The following CORIN variants were observed in gnomAD, a reference collection of about 807,000 sequenced individuals.
CORIN encodes the protein atrial natriuretic peptide-converting enzyme.
A neutral mutation model predicts 125.3 loss-of-function variants in CORIN; 117 were observed. That is an observed-to-expected ratio of 0.93 (90% confidence interval 0.80 to 1.09). CORIN has a LOEUF of 1.09. CORIN is among the 50% of genes least tolerant of loss of function. The pLI is 0.00. For missense variants in CORIN, 1,253 were observed against 1,306.7 expected (o/e 0.96, Z 0.63); for synonymous variants, 450 against 466.4 (o/e 0.96, Z 0.45).
At position 47,666,597 on chromosome 4, in the gene CORIN, G is replaced by A. The variant is rs564132985; in HGVS notation, c.1358-1334C>T. The stretch of plus-strand genomic sequence containing the variant: ...CTGCAATGTGATAGTATTTGGAGGT[G>A]GGGCCTTTGGGAGGTGATGAGGTTT... On this transcript the variant is annotated intron_variant, in intron 10 of 21. Transcript: ENST00000273857. 4.6e-5 allele frequency among the ~76,000 whole-genome samples: 7 copies of A among 152,272 alleles called. No homozygotes were observed. The South Asian group carries it at 1.5e-3, about 32-fold the overall frequency.
At chr4:47,711,248 A>C (rs891060580) in intron 5 of CORIN, among the ~76,000 whole-genome samples, 1 of 152,188 alleles carries the variant, frequency 6.6e-6, no homozygotes, top group African/African-American at 2.4e-5. Context: ...CCATGACTAT[A>C]ATGTGGCAGG....
chr4:47,654,692 A>C (rs1723884464), intron 12 of CORIN, among the ~76,000 whole-genome samples: 3 of 152,206 alleles, frequency 2.0e-5, no homozygotes. Context: ...CCTTACCACC[A>C]CAGGCTAAAG....
At chr4:47,731,302 C>T (rs1727861689) in intron 5 of CORIN, among the ~76,000 whole-genome samples, 2 of 152,104 alleles carry the variant, frequency 1.3e-5, no homozygotes, top group African/African-American at 4.8e-5. Flanking sequence ...TGTCTGCATG[C>T]TGCAAGCATA....
At chr4:47,623,117 T>TATATATATATATATATATACACAC (rs141525347) in intron 19 of CORIN, among the ~76,000 whole-genome samples, 72 of 134,454 alleles carry the variant, frequency 5.4e-4, no homozygotes, top group African/African-American at 1.4e-3. Flanking sequence ...TATATATATA[T>TATATATATATATATATATACACAC]ACACACACAC....
intron 9 of CORIN, among the ~76,000 whole-genome samples, chr4:47,675,646 G>A (rs1310861984): frequency 1.3e-5 from 2 of 152,192 alleles, no homozygotes; most frequent in African/African-American, 4.8e-5. Flanking sequence ...TACCCCCTGG[G>A]AAGTGGCTTG....
chr4:47,789,253 G>A (rs1188820854), intron 2 of CORIN, among the ~76,000 whole-genome samples: 3 of 152,104 alleles, frequency 2.0e-5, no homozygotes, highest in Non-Finnish European at 4.4e-5. Flanking sequence ...GCAGTGAGCC[G>A]AGTTTGCACC....
chr4:47,638,205 A>G (rs1723104104), intron 16 of CORIN, among the ~76,000 whole-genome samples: 1 of 152,178 alleles, frequency 6.6e-6, no homozygotes. Flanking sequence ...CATTGTATCT[A>G]GGAAACTAAT....
At chr4:47,677,900 C>T in intron 9 of CORIN, 38 bp downstream of exon 9, 1 of 1,380,874 alleles carries the variant, frequency 7.2e-7, no homozygotes, top group African/African-American at 1.4e-5. Flanking sequence ...AGAGGACCAC[C>T]AGTAAAGGAA....
In CORIN at chr4:47,811,829, T is replaced by C. The variant is rs2109960276; in HGVS notation, c.64-4782A>G. ...CAGCCATGTTCATTTGTTTATATTC[T>C]GTCTATACTGCTCTGCTGCTACTAC... On this transcript the variant is annotated intron_variant, in intron 1 of 21. Coordinates refer to ENST00000273857, the MANE Select transcript of CORIN (RefSeq NM_006587.4). Among the ~76,000 whole-genome samples, 2 of 152,348 alleles carry C rather than the reference T, an allele frequency of 1.3e-5. 1 individual carries two copies. Among genetic ancestry groups the C allele is most frequent in the Middle Eastern group, 6.8e-3 (2 of 294 alleles).
chr4:47,772,862 A>G (rs1440910647), intron 3 of CORIN, among the ~76,000 whole-genome samples: 3 of 152,180 alleles, frequency 2.0e-5, no homozygotes, highest in Non-Finnish European at 4.4e-5. Context: ...TAGGTAAGAA[A>G]ATTGAGGCAG....
chr4:47,638,841 G>C (rs1272135289), intron 16 of CORIN, among the ~76,000 whole-genome samples: 2 of 152,194 alleles, frequency 1.3e-5, no homozygotes, highest in Non-Finnish European at 1.5e-5. Context: ...CTGAACTCTT[G>C]AGATAGCAAC....
At chr4:47,789,708 T>C (rs918313251) in intron 2 of CORIN, among the ~76,000 whole-genome samples, 1 of 152,052 alleles carries the variant, frequency 6.6e-6, no homozygotes, top group Admixed American at 6.6e-5. Flanking sequence ...GCTTTCAACC[T>C]GTATCATGAT....
chr4:47,675,717 T>C (rs1222855634), intron 9 of CORIN, among the ~76,000 whole-genome samples: 3 of 152,168 alleles, frequency 2.0e-5, no homozygotes, highest in Admixed American at 6.5e-5. Context: ...CACTGCTTTA[T>C]GGAAGACATA....
chr4:47,799,861 A>C (rs1006333023), intron 2 of CORIN, among the ~76,000 whole-genome samples: 5 of 152,250 alleles, frequency 3.3e-5, no homozygotes, highest in African/African-American at 1.2e-4. Context: ...AATGTCTATC[A>C]ATTGACAAAT....
chr4:47,669,716 C>T (rs537460372), intron 10 of CORIN, among the ~76,000 whole-genome samples: 1 of 151,930 alleles, frequency 6.6e-6, no homozygotes. Flanking sequence ...CTACAGGTGC[C>T]CACCACCACG....
At position 47,595,344 on chromosome 4, in the gene CORIN, G is replaced by A. The variant is rs1026653322; in HGVS notation, c.*377C>T. ...AAAAACTGGTAGAGATAATTAATCA[G>A]CCTAAATATCTATGTCTTTTTTTGT... On this transcript the variant is annotated 3_prime_UTR_variant, in exon 22 of 22. Coordinates refer to ENST00000273857, the MANE Select transcript of CORIN (RefSeq NM_006587.4). The A allele has an allele frequency of 1.3e-5, 2 of 156,150 alleles. No homozygotes were observed. Among genetic ancestry groups the A allele is most frequent in the African/African-American group, 4.8e-5 (2 of 41,572 alleles). The allele number at this position is 156,150 out of a possible 1,614,324, so 9.7% of individuals were successfully genotyped here.
At chr4:47,693,252 T>C (rs972805631) in intron 5 of CORIN, among the ~76,000 whole-genome samples, 169 bp from the exon 6 acceptor site, 19 of 152,170 alleles carry the variant, frequency 1.2e-4, no homozygotes, top group African/African-American at 4.6e-4. Context: ...AGCACATTAA[T>C]TGAAAAATTA....
At chr4:47,682,682 C>T (rs950700938) in intron 7 of CORIN, 9 of 152,020 alleles carry the variant, frequency 5.9e-5, no homozygotes, top group Admixed American at 2.0e-4. Flanking sequence ...TTGATCATTA[C>T]ATATTGTATA....
intron 5 of CORIN, among the ~76,000 whole-genome samples, chr4:47,710,636 C>G (rs550313213): frequency 1.4e-4 from 21 of 152,228 alleles, no homozygotes; most frequent in Non-Finnish European, 2.6e-4. Context: ...GCCGCTGCTA[C>G]CATACCTGCT....
Sources: gnomAD v4.1 joint callset for allele counts (sites outside exome capture counted in the v4.1 genomes callset) on GRCh38, gnomAD v4.1.1 for gene constraint, MANE v1.5 for transcripts, NCBI Gene and HGNC (gene_info 2026-07-23, HGNC 2026-07-21) for gene names.